EML6: variants seen among roughly 807,000 people sequenced by gnomAD.
The protein encoded by EML6 is EMAP like 6, also known as echinoderm microtubule-associated protein-like 6.
In EML6, 154 loss-of-function variants were observed where a neutral mutation model predicts 240.1. The observed-to-expected ratio is 0.64, with a 90% CI of 0.56 to 0.73. The LOEUF is 0.73. Ranked by LOEUF, EML6 falls within the 30% of genes least tolerant of loss-of-function variation. The pLI, the probability that EML6 is intolerant of heterozygous loss-of-function variation, is 0.00. For synonymous variants in EML6, 1,148 were observed against 899.0 expected, an observed-to-expected ratio of 1.28 and a Z score of -4.95; for missense variants, 2,964 against 2,474.6, an observed-to-expected ratio of 1.20 and a Z score of -4.20.
At chr2:54,788,278 T>C (rs998982155) in intron 2 of EML6, among the ~76,000 whole-genome samples, 2 of 152,240 alleles carry the variant, frequency 1.3e-5, no homozygotes, top group Admixed American at 6.5e-5. Flanking sequence ...CTCTGGCATC[T>C]GTAAGTAACA....
At chr2:54,842,128 A>G (rs1669492821) in intron 7 of EML6, among the ~76,000 whole-genome samples, 2 of 152,094 alleles carry the variant, frequency 1.3e-5, no homozygotes, top group Non-Finnish European at 2.9e-5. Context: ...GGTGGCGTAT[A>G]TTCTGTGGGT....
intron 26 of EML6, among the ~76,000 whole-genome samples, chr2:54,918,184 A>G (rs1347195562): frequency 6.6e-6 from 1 of 152,186 alleles, no homozygotes; most frequent in Non-Finnish European, 1.5e-5. Context: ...GTATCTTTGA[A>G]TACCTTGTCA....
intron 2 of EML6, among the ~76,000 whole-genome samples, chr2:54,756,037 TG>T (rs1351994422): frequency 6.6e-6 from 1 of 152,114 alleles, no homozygotes; most frequent in African/African-American, 2.4e-5. Flanking sequence ...ATTTGGATCT[TG>T]GCCCTCTTCC....
At chr2:54,918,356 T>C (rs547222568) in intron 26 of EML6, among the ~76,000 whole-genome samples, 1 of 151,036 alleles carries the variant, frequency 6.6e-6, no homozygotes, top group Non-Finnish European at 1.5e-5. Flanking sequence ...TTTTAACTAA[T>C]GAATGAATGA....
chr2:54,954,276 G>A lies in EML6; in HGVS notation c.4486+120G>A, dbSNP rs2104502762. 5 of 896,338 alleles carry A rather than the reference G, an allele frequency of 5.6e-6. No homozygotes were observed. In the South Asian group the frequency reaches 7.6e-5, roughly 14 times the overall value. 55.5% of individuals were successfully genotyped at this position (896,338 alleles called of 1,614,324 possible). ...TGCCGTAGGCACTGACTGCTGCTGG[G>A]CAAGTGGAAAACAGGGCACTGGGGA... On this transcript the variant is annotated intron_variant, in intron 32 of 41. Coordinates refer to ENST00000356458, the MANE Select transcript of EML6 (RefSeq NM_001039753.4).
intron 25 of EML6, among the ~76,000 whole-genome samples, chr2:54,914,956 G>A (rs570236253): frequency 2.6e-5 from 4 of 152,148 alleles, no homozygotes; most frequent in East Asian, 1.9e-4. Flanking sequence ...CTCCCCCTTC[G>A]GCTTCCTAAG....
intron 2 of EML6, among the ~76,000 whole-genome samples, chr2:54,768,083 A>G (rs1668260699): frequency 6.6e-6 from 1 of 152,182 alleles, no homozygotes; most frequent in Non-Finnish European, 1.5e-5. Flanking sequence ...GGAACATTGT[A>G]GATGAGATCA....
At chr2:54,777,779 C>T (rs930638851) in intron 2 of EML6, among the ~76,000 whole-genome samples, 6 of 151,988 alleles carry the variant, frequency 3.9e-5, no homozygotes, top group South Asian at 2.1e-4. Flanking sequence ...GGTGCTTGCT[C>T]GAAAGTACCC....
At chr2:54,936,315 C>A (rs1484868414) in intron 28 of EML6, among the ~76,000 whole-genome samples, 4 of 152,050 alleles carry the variant, frequency 2.6e-5, no homozygotes, top group Non-Finnish European at 5.9e-5. Flanking sequence ...ATGAGCTGAC[C>A]AGGTATTAGT....
intron 11 of EML6, among the ~76,000 whole-genome samples, chr2:54,856,394 C>T (rs1670380912): frequency 6.6e-6 from 1 of 152,216 alleles, no homozygotes; most frequent in South Asian, 2.1e-4. Context: ...TGCACCCGTT[C>T]CATTCCTCCT....
rs962246324 is a variant in EML6, at chr2:54,899,879, T to C, written c.3124+97T>C. 6 of 1,164,574 alleles carry C rather than the reference T, an allele frequency of 5.2e-6. No individual in the cohort carries two copies. In the Admixed American group the frequency reaches 9.9e-5, roughly 19 times the overall value. 72.1% of individuals were successfully genotyped at this position (1,164,574 alleles called of 1,614,324 possible). ...GTTAATATTTACTGAGGGCACGTGT[T>C]ATATGCCCATAAATATGCTGGGCAA... is the stretch of plus-strand genomic sequence containing the variant. On this transcript the variant is annotated intron_variant, in intron 22 of 41. Transcript: ENST00000356458.
chr2:54,962,404 A>G, intron 35 of EML6, 119 bp from the exon 36 acceptor site: 3 of 786,524 alleles, frequency 3.8e-6, no homozygotes. Context: ...CACCACCCCC[A>G]TTCACCGGCA....
chr2:54,944,059 C>T (rs1675561391), intron 28 of EML6, among the ~76,000 whole-genome samples: 1 of 152,134 alleles, frequency 6.6e-6, no homozygotes, highest in South Asian at 2.1e-4. Flanking sequence ...CCCTTACATG[C>T]TGTTGGTCCT....
chr2:54,827,104 T>C, intron 5 of EML6, among the ~76,000 whole-genome samples: 1 of 152,014 alleles, frequency 6.6e-6, no homozygotes, highest in Non-Finnish European at 1.5e-5. Context: ...CCCTGGGAGG[T>C]AGAGGTTGCA....
chr2:54,957,698 G>C, intron 32 of EML6, 92 bp from the exon 33 acceptor site: 1 of 1,112,506 alleles, frequency 9.0e-7, no homozygotes, highest in South Asian at 1.3e-5. Flanking sequence ...CATGGCTTAC[G>C]CCTGCTGGGG....
chr2:54,938,987 A>C (rs995335959), intron 28 of EML6, among the ~76,000 whole-genome samples: 3 of 152,206 alleles, frequency 2.0e-5, no homozygotes, highest in Admixed American at 6.5e-5. Context: ...GTAGGTTGTC[A>C]ACTCTGTGAA....
chr2:54,789,034 ATTC>A (rs1365572994), intron 2 of EML6, among the ~76,000 whole-genome samples: 2 of 152,008 alleles, frequency 1.3e-5, no homozygotes, highest in African/African-American at 4.8e-5. Flanking sequence ...TTTGCTTTTT[ATTC>A]TTTCTTATAT....
At chr2:54,726,475 A>T (rs1349105906) in intron 2 of EML6, among the ~76,000 whole-genome samples, 1 of 152,142 alleles carries the variant, frequency 6.6e-6, no homozygotes, top group Non-Finnish European at 1.5e-5. Context: ...AAAGTTGAAA[A>T]ATTGTTACAG....
intron 14 of EML6, chr2:54,868,443 C>T (rs1273567761): frequency 6.6e-6 from 1 of 152,102 alleles, no homozygotes; most frequent in Non-Finnish European, 1.5e-5. Context: ...AATATTGAGT[C>T]TATTCTCAGT....
Sources: gnomAD v4.1 joint callset for allele counts (sites outside exome capture counted in the v4.1 genomes callset) on GRCh38, gnomAD v4.1.1 for gene constraint, MANE v1.5 for transcripts, NCBI Gene and HGNC (gene_info 2026-07-23, HGNC 2026-07-21) for gene names.